Variants in ARID4B observed in about 807,000 individuals in gnomAD.
ARID4B encodes AT-rich interaction domain 4B.
In ARID4B, 26 loss-of-function variants were observed where a neutral mutation model predicts 147.5. The observed-to-expected ratio is 0.18, with a 90% CI of 0.13 to 0.24. The LOEUF is 0.24. Ranked by LOEUF, ARID4B falls within the 10% of genes least tolerant of loss-of-function variation. The pLI is 1.00. For synonymous variants in ARID4B, 512 were observed against 507.9 expected (o/e 1.01, Z -0.11); for missense variants, 1,179 against 1,511.5 (o/e 0.78, Z 3.65).
intron 8 of ARID4B, among the ~76,000 whole-genome samples, chr1:235,238,574 G>C (rs1292371601): frequency 6.6e-6 from 1 of 152,178 alleles, no homozygotes; most frequent in African/African-American, 2.4e-5. Context: ...AAAAGATGTG[G>C]GCTGGGCTCA....
intron 9 of ARID4B, among the ~76,000 whole-genome samples, chr1:235,233,737 A>G (rs1481085852): frequency 6.6e-6 from 1 of 152,216 alleles, no homozygotes; most frequent in East Asian, 1.9e-4. Context: ...GAAGTATTGG[A>G]AATTCCTAAT....
intron 23 of ARID4B, among the ~76,000 whole-genome samples, chr1:235,169,374 G>A (rs1397234208): frequency 3.5e-5 from 5 of 142,600 alleles, no homozygotes; most frequent in African/African-American, 1.1e-4. Context: ...CCCAGTAGCT[G>A]GGACTATAAG....
chr1:235,184,909 T>TG (rs1363407924), intron 19 of ARID4B, among the ~76,000 whole-genome samples: 1 of 152,140 alleles, frequency 6.6e-6, no homozygotes, highest in Non-Finnish European at 1.5e-5. Flanking sequence ...CTCCTCTTCC[T>TG]GGATTCAAGC....
chr1:235,324,728 G>A (rs1191024125), intron 2 of ARID4B, among the ~76,000 whole-genome samples: 1 of 152,142 alleles, frequency 6.6e-6, no homozygotes, highest in East Asian at 1.9e-4. Flanking sequence ...CCTGAGCCCA[G>A]AAGTTCGACA....
At chr1:235,213,350 T>C (rs1196353363) in intron 17 of ARID4B, among the ~76,000 whole-genome samples, 5 of 152,208 alleles carry the variant, frequency 3.3e-5, no homozygotes, top group Admixed American at 3.3e-4. Flanking sequence ...AGCTAATGTT[T>C]CCTAGGATTT....
intron 22 of ARID4B, among the ~76,000 whole-genome samples, chr1:235,174,872 G>A (rs537604274): frequency 5.2e-4 from 79 of 152,056 alleles, no homozygotes; most frequent in African/African-American, 1.8e-3. Context: ...TTGGGAGGCC[G>A]AGGCGGGCGG....
chr1:235,216,997 A>G (rs1279471346), intron 16 of ARID4B, among the ~76,000 whole-genome samples: 1 of 152,118 alleles, frequency 6.6e-6, no homozygotes, highest in African/African-American at 2.4e-5. Context: ...ACATCATAGA[A>G]TACACTGAGT....
At chr1:235,271,482 T>A (rs1162987311) in intron 2 of ARID4B, among the ~76,000 whole-genome samples, 1 of 150,658 alleles carries the variant, frequency 6.6e-6, no homozygotes, top group African/African-American at 2.4e-5. Flanking sequence ...ATACAAAAAT[T>A]AGCCAGGCAT....
intron 2 of ARID4B, among the ~76,000 whole-genome samples, chr1:235,287,999 T>A (rs1354691512): frequency 6.6e-6 from 1 of 152,212 alleles, no homozygotes; most frequent in Non-Finnish European, 1.5e-5. Context: ...CATATTATCC[T>A]TGTAAAAATA....
At chr1:235,214,169 ATTT>A in intron 16 of ARID4B, 143 bp from the exon 17 acceptor site, 1 of 1,009,632 alleles carries the variant, frequency 9.9e-7, no homozygotes, top group Non-Finnish European at 1.4e-6. Flanking sequence ...TCAGAGTTTC[ATTT>A]TACTATTAAA....
At chr1:235,215,071 C>A (rs1666969849) in intron 16 of ARID4B, among the ~76,000 whole-genome samples, 1 of 152,010 alleles carries the variant, frequency 6.6e-6, no homozygotes, top group African/African-American at 2.4e-5. Flanking sequence ...TCTCAAACTC[C>A]TGACCTCAGG....
intron 11 of ARID4B, among the ~76,000 whole-genome samples, chr1:235,227,384 GAGA>G (rs1346972475): frequency 6.6e-6 from 1 of 152,154 alleles, no homozygotes. Flanking sequence ...AGCAGTCAGG[GAGA>G]AGACTGAAGC....
intron 2 of ARID4B, among the ~76,000 whole-genome samples, chr1:235,293,748 T>G (rs1672491245): frequency 6.6e-6 from 1 of 152,190 alleles, no homozygotes; most frequent in Non-Finnish European, 1.5e-5. Context: ...AGCCAGTTTG[T>G]CACTACCTAC....
At chr1:235,247,363 T>C (rs1669361647) in intron 6 of ARID4B, among the ~76,000 whole-genome samples, 1 of 152,186 alleles carries the variant, frequency 6.6e-6, no homozygotes. Context: ...TAAAAAGAAA[T>C]GTTATATAAC....
intron 16 of ARID4B, among the ~76,000 whole-genome samples, chr1:235,216,935 G>C (rs1452620854): frequency 6.6e-6 from 1 of 151,872 alleles, no homozygotes; most frequent in Non-Finnish European, 1.5e-5. Context: ...ATGAGATATA[G>C]AATCAAAATT....
At chr1:235,259,243 T>G (rs887020337) in intron 3 of ARID4B, among the ~76,000 whole-genome samples, 2 of 152,254 alleles carry the variant, frequency 1.3e-5, no homozygotes, top group Non-Finnish European at 1.5e-5. Flanking sequence ...TACATGTCAT[T>G]TTCCTAGTTC....
intron 2 of ARID4B, among the ~76,000 whole-genome samples, chr1:235,309,612 G>A (rs1471909196): frequency 1.3e-4 from 19 of 146,346 alleles, no homozygotes; most frequent in African/African-American, 2.5e-4. Context: ...GCCTCTGCCC[G>A]GCCACCCCTA....
At chr1:235,319,174 G>C (rs912273222) in intron 2 of ARID4B, among the ~76,000 whole-genome samples, 1 of 152,218 alleles carries the variant, frequency 6.6e-6, no homozygotes, top group Non-Finnish European at 1.5e-5. Flanking sequence ...AGATAGTAGT[G>C]ATGGATGCAC....
chr1:235,192,788 C>T (rs1297646144), intron 19 of ARID4B, among the ~76,000 whole-genome samples: 1 of 152,132 alleles, frequency 6.6e-6, no homozygotes, highest in African/African-American at 2.4e-5. Flanking sequence ...GCCTTAAATA[C>T]TAAGCAATAA....
Sources: allele counts gnomAD v4.1 joint callset (sites outside exome capture counted in the v4.1 genomes callset), GRCh38; gene constraint gnomAD v4.1.1; transcripts MANE v1.5; gene names NCBI Gene and HGNC (gene_info 2026-07-23, HGNC 2026-07-21).